The following PRKG1 variants were observed in gnomAD, a reference collection of about 807,000 sequenced individuals.
The protein encoded by PRKG1 is protein kinase cGMP-dependent 1, also known as cGMP-dependent protein kinase 1.
In PRKG1, 35 loss-of-function variants were observed where a neutral mutation model predicts 88.1. The observed-to-expected ratio is 0.40, with a 90% CI of 0.30 to 0.53. The LOEUF (loss-of-function observed/expected upper bound fraction) is 0.53, where lower values mean the gene tolerates loss of function less well. Among genes scored for constraint, PRKG1 ranks in the 20% least tolerant of loss-of-function variants. The pLI, the probability that PRKG1 is intolerant of heterozygous loss-of-function variation, is 0.59. For missense variants in PRKG1, 540 were observed against 839.8 expected (o/e 0.64, Z 4.41); for synonymous variants, 303 against 292.5 (o/e 1.04, Z -0.37).
chr10:51,310,371 C>T (rs1841152399), intron 2 of PRKG1, among the ~76,000 whole-genome samples: 1 of 152,134 alleles, frequency 6.6e-6, no homozygotes, highest in Non-Finnish European at 1.5e-5. Flanking sequence ...GAACATTGTG[C>T]TCTGGGCTAT....
chr10:51,764,407 C>T (rs937659606), intron 3 of PRKG1, among the ~76,000 whole-genome samples: 4 of 152,054 alleles, frequency 2.6e-5, no homozygotes, highest in Non-Finnish European at 5.9e-5. Context: ...GAAGAATAGA[C>T]CTGAGAGTAT....
chr10:51,224,400 A>G (rs1301647355), intron 2 of PRKG1, among the ~76,000 whole-genome samples: 1 of 152,208 alleles, frequency 6.6e-6, no homozygotes, highest in Non-Finnish European at 1.5e-5. Context: ...ATTCTCTTTA[A>G]TAAGAAGTTG....
intron 2 of PRKG1, among the ~76,000 whole-genome samples, chr10:51,402,473 A>C (rs1183776887): frequency 6.6e-6 from 1 of 152,206 alleles, no homozygotes; most frequent in Non-Finnish European, 1.5e-5. Flanking sequence ...GTCAGACACC[A>C]CTTAAGATAC....
In PRKG1 at chr10:52,263,257, G is replaced by A. The variant is rs565937306; in HGVS notation, c.1174-8093G>A. Among the ~76,000 whole-genome samples the A allele has an allele frequency of 9.9e-5, 15 of 152,162 alleles. No individual in the cohort carries two copies. The South Asian group carries it at 3.1e-3, about 32-fold the overall frequency. On this transcript the variant is annotated intron_variant, in intron 10 of 17. Transcript: ENST00000373980. ...GCTAACTGGGGAACTTTTATTGTAA[G>A]TGAGATAGTAAGCACAGAGAAATAC...
At chr10:51,463,549 AC>A (rs1464488372) in intron 2 of PRKG1, among the ~76,000 whole-genome samples, 9 of 152,238 alleles carry the variant, frequency 5.9e-5, no homozygotes, top group African/African-American at 1.9e-4. Flanking sequence ...TGGCCTCATG[AC>A]TACCTTAATA....
chr10:51,494,262 T>C (rs1840789931), intron 3 of PRKG1, among the ~76,000 whole-genome samples: 1 of 152,164 alleles, frequency 6.6e-6, no homozygotes, highest in Non-Finnish European at 1.5e-5. Context: ...ACAGAAAAAC[T>C]AGAGTGATTT....
At chr10:51,763,236 AT>A (rs1469437285) in intron 3 of PRKG1, among the ~76,000 whole-genome samples, 2 of 151,828 alleles carry the variant, frequency 1.3e-5, no homozygotes, top group Non-Finnish European at 2.9e-5. Flanking sequence ...ATTTTTTTAA[AT>A]TTTTTTATTT....
At chr10:52,080,908 G>C (rs1589588932) in intron 7 of PRKG1, among the ~76,000 whole-genome samples, 1 of 152,146 alleles carries the variant, frequency 6.6e-6, no homozygotes. Flanking sequence ...CTGTGAGCTT[G>C]ATTCCCTGGC....
intron 4 of PRKG1, among the ~76,000 whole-genome samples, chr10:51,904,995 A>G (rs1842054804): frequency 6.6e-6 from 1 of 152,214 alleles, no homozygotes; most frequent in Non-Finnish European, 1.5e-5. Context: ...GAAGCCAATT[A>G]TAATAAAATG....
chr10:52,191,345 T>C (rs1472024093), intron 9 of PRKG1, among the ~76,000 whole-genome samples: 2 of 151,618 alleles, frequency 1.3e-5, no homozygotes, highest in African/African-American at 4.8e-5. Flanking sequence ...TTTTTTTTTT[T>C]CTTACAGAGA....
rs1842526923 is a variant in PRKG1, at chr10:51,549,398, C to G, written c.592+81562C>G. 2.0e-5 allele frequency among the ~76,000 whole-genome samples: 3 copies of G among 151,998 alleles called. No individual in the cohort carries two copies. In the South Asian group the frequency reaches 6.2e-4, roughly 32 times the overall value. ...TTGTTAAGAAGAACATCATTCTGGA[C>G]TCCACTAGACACCCTGCCTAAACTA... On this transcript the variant is annotated intron_variant, in intron 3 of 17. Transcript: ENST00000373980.
intron 2 of PRKG1, among the ~76,000 whole-genome samples, chr10:51,396,853 G>A (rs1377811005): frequency 6.6e-6 from 1 of 152,206 alleles, no homozygotes; most frequent in Non-Finnish European, 1.5e-5. Flanking sequence ...GGTGAACTGA[G>A]TGAAACACCT....
intron 2 of PRKG1, among the ~76,000 whole-genome samples, chr10:51,431,904 A>G (rs1165574871): frequency 6.6e-6 from 1 of 152,140 alleles, no homozygotes; most frequent in African/African-American, 2.4e-5. Flanking sequence ...GCCTGCCCAC[A>G]TGTTTTTACC....
intron 2 of PRKG1, among the ~76,000 whole-genome samples, chr10:51,234,436 T>A (rs1165603663): frequency 6.6e-6 from 1 of 152,178 alleles, no homozygotes; most frequent in Non-Finnish European, 1.5e-5. Context: ...CAAATTTTTT[T>A]TAGAACAAAT....
chr10:52,185,498 G>A (rs940422336), intron 9 of PRKG1, among the ~76,000 whole-genome samples: 2 of 152,118 alleles, frequency 1.3e-5, no homozygotes, highest in Non-Finnish European at 2.9e-5. Context: ...CATGATGCAA[G>A]CTCCCTGTGG....
chr10:52,245,620 T>G (rs1482823860), intron 9 of PRKG1, among the ~76,000 whole-genome samples: 5 of 152,084 alleles, frequency 3.3e-5, no homozygotes, highest in African/African-American at 1.2e-4. Context: ...AAACATTTTA[T>G]TTTCGTAGTT....
chr10:52,178,306 A>G (rs1838920102), intron 9 of PRKG1, among the ~76,000 whole-genome samples: 1 of 152,020 alleles, frequency 6.6e-6, no homozygotes, highest in Admixed American at 6.6e-5. Context: ...ACACATTTTT[A>G]TAGTTTCAAA....
At chr10:51,362,674 A>G (rs1439315709) in intron 2 of PRKG1, among the ~76,000 whole-genome samples, 2 of 151,792 alleles carry the variant, frequency 1.3e-5, no homozygotes, top group East Asian at 3.9e-4. Flanking sequence ...ACATGTACAG[A>G]ACGTGCAGGT....
intron 1 of PRKG1, among the ~76,000 whole-genome samples, chr10:51,080,566 C>G (rs7074892): frequency 0.35 from 53,514 of 152,076 alleles, 12,114 homozygotes; most frequent in African/African-American, 0.64. Context: ...GAAACTGGGT[C>G]TGTTGCTAGC....
Sources: gnomAD v4.1 joint callset for allele counts (sites outside exome capture counted in the v4.1 genomes callset) on GRCh38, gnomAD v4.1.1 for gene constraint, MANE v1.5 for transcripts, NCBI Gene and HGNC (gene_info 2026-07-23, HGNC 2026-07-21) for gene names.